BACH2: variants seen among roughly 807,000 people sequenced by gnomAD.
BACH2 encodes transcription regulator protein BACH2.
Under a neutral mutation model 61.8 loss-of-function variants are expected in BACH2, and 5 were observed. That is an observed-to-expected ratio of 0.08 (90% CI 0.04 to 0.17). The LOEUF (loss-of-function observed/expected upper bound fraction) is 0.17. Ranked by LOEUF, BACH2 falls within the 10% of genes least tolerant of loss-of-function variation. The pLI, the probability that BACH2 is intolerant of heterozygous loss-of-function variation, is 1.00. For missense variants in BACH2, 824 were observed against 1,091.1 expected (o/e 0.76, Z 3.45); for synonymous variants, 446 against 440.1 (o/e 1.01, Z -0.17).
intron 3 of BACH2, among the ~76,000 whole-genome samples, chr6:90,225,066 T>TAACAACAAC (rs749374458): frequency 0.015 from 2,306 of 151,402 alleles, 61 homozygotes; most frequent in African/African-American, 0.051. Flanking sequence ...AAATACATCA[T>TAACAACAAC]AACAACAACA....
At chr6:90,063,052 T>C (rs1186943983) in intron 5 of BACH2, 1 of 371,744 alleles carries the variant, frequency 2.7e-6, no homozygotes, top group Non-Finnish European at 3.7e-6. Context: ...GCTTGAGCTT[T>C]ATGTAAAAGT....
chr6:90,027,965 G>A (rs1040711556), intron 5 of BACH2, among the ~76,000 whole-genome samples: 3 of 152,168 alleles, frequency 2.0e-5, no homozygotes, highest in Non-Finnish European at 2.9e-5. Context: ...GAAGAATAAT[G>A]TATATTTTTG....
intron 5 of BACH2, among the ~76,000 whole-genome samples, chr6:90,018,979 G>A (rs931483922): frequency 1.7e-4 from 26 of 152,036 alleles, no homozygotes; most frequent in Admixed American, 6.6e-5. Flanking sequence ...CATTTTCGTG[G>A]AATGTTTTCA....
chr6:90,292,408 C>T (rs879288527), intron 1 of BACH2, among the ~76,000 whole-genome samples: 1 of 152,208 alleles, frequency 6.6e-6, no homozygotes, highest in Non-Finnish European at 1.5e-5. Flanking sequence ...TCAGGCATTA[C>T]CCAGCCAAGT....
chr6:90,223,334 G>A (rs1292328548), intron 3 of BACH2, among the ~76,000 whole-genome samples: 1 of 152,082 alleles, frequency 6.6e-6, no homozygotes, highest in African/African-American at 2.4e-5. Flanking sequence ...TTACAACAGA[G>A]CATTAAGTAA....
At chr6:90,102,705 A>T (rs58111577) in intron 4 of BACH2, among the ~76,000 whole-genome samples, 4,820 of 151,306 alleles carry the variant, frequency 0.032, 250 homozygotes, top group African/African-American at 0.11. Flanking sequence ...CAGGAGAATC[A>T]CTTGAACCGA....
chr6:90,198,991 T>C (rs893611290), intron 4 of BACH2, among the ~76,000 whole-genome samples: 1 of 152,240 alleles, frequency 6.6e-6, no homozygotes, highest in Non-Finnish European at 1.5e-5. Flanking sequence ...ACATGCTCTC[T>C]CTTGCCTGCT....
At chr6:90,225,396 A>G (rs1265743865) in intron 3 of BACH2, among the ~76,000 whole-genome samples, 1 of 152,132 alleles carries the variant, frequency 6.6e-6, no homozygotes, top group African/African-American at 2.4e-5. Context: ...TTTTAAAAAA[A>G]TACAGACAAA....
intron 8 of BACH2, among the ~76,000 whole-genome samples, chr6:89,937,576 C>T (rs1773103971): frequency 6.6e-6 from 1 of 152,146 alleles, no homozygotes; most frequent in African/African-American, 2.4e-5. Context: ...ATCACCCAGG[C>T]TGGAATGCAG....
At chr6:90,108,716 A>G (rs1231127524) in intron 4 of BACH2, among the ~76,000 whole-genome samples, 1 of 152,206 alleles carries the variant, frequency 6.6e-6, no homozygotes, top group Non-Finnish European at 1.5e-5. Flanking sequence ...TCATTGCTCT[A>G]GACTTAAGAT....
intron 4 of BACH2, among the ~76,000 whole-genome samples, chr6:90,188,561 G>A (rs995516651): frequency 6.6e-6 from 1 of 151,594 alleles, no homozygotes; most frequent in African/African-American, 2.4e-5. Context: ...AAGTATACAC[G>A]GTACAAAATT....
At chr6:90,144,189 T>C (rs1399745600) in intron 4 of BACH2, among the ~76,000 whole-genome samples, 2 of 152,230 alleles carry the variant, frequency 1.3e-5, no homozygotes, top group African/African-American at 4.8e-5. Context: ...AAAAAACTGA[T>C]TCCAATGGCT....
chr6:90,213,587 A>AT (rs1769429718), intron 3 of BACH2, among the ~76,000 whole-genome samples: 1 of 152,112 alleles, frequency 6.6e-6, no homozygotes, highest in South Asian at 2.1e-4. Context: ...TCGGAATGTG[A>AT]TTTTTGGCAA....
At chr6:90,026,977 C>T (rs930076650) in intron 5 of BACH2, among the ~76,000 whole-genome samples, 1 of 152,166 alleles carries the variant, frequency 6.6e-6, no homozygotes, top group Non-Finnish European at 1.5e-5. Flanking sequence ...GGGTGAAAGT[C>T]ATCTAGCTTG....
intron 4 of BACH2, among the ~76,000 whole-genome samples, chr6:90,167,890 T>A (rs1767683482): frequency 6.6e-6 from 1 of 152,254 alleles, no homozygotes; most frequent in Non-Finnish European, 1.5e-5. Flanking sequence ...TGGTGTAACC[T>A]CTTTGAAAAG....
At chr6:90,091,860 T>C (rs567482551) in intron 4 of BACH2, among the ~76,000 whole-genome samples, 1 of 152,254 alleles carries the variant, frequency 6.6e-6, no homozygotes, top group African/African-American at 2.4e-5. Flanking sequence ...AGTGGACCAT[T>C]TCCTTCACTG....
chr6:90,191,659 C>T (rs746125755), intron 4 of BACH2, among the ~76,000 whole-genome samples: 2 of 152,110 alleles, frequency 1.3e-5, no homozygotes, highest in Admixed American at 1.3e-4. Context: ...AGGGTCTCTG[C>T]GTTTCCCCAT....
At chr6:89,993,404 T>C (rs1473107270) in intron 6 of BACH2, among the ~76,000 whole-genome samples, 1 of 152,278 alleles carries the variant, frequency 6.6e-6, no homozygotes, top group South Asian at 2.1e-4. Context: ...CTCAGTCTGA[T>C]AAACTGTGAT....
intron 1 of BACH2, among the ~76,000 whole-genome samples, chr6:90,283,439 G>A (rs1364761478): frequency 1.3e-5 from 2 of 151,200 alleles, no homozygotes; most frequent in Non-Finnish European, 2.9e-5. Context: ...GCTGTGGTGC[G>A]ATCTTGGCTC....
Sources: gnomAD v4.1 joint callset for allele counts (sites outside exome capture counted in the v4.1 genomes callset) on GRCh38, gnomAD v4.1.1 for gene constraint, MANE v1.5 for transcripts, NCBI Gene and HGNC (gene_info 2026-07-23, HGNC 2026-07-21) for gene names.